Variants in FAM241A observed in about 807,000 individuals in gnomAD.
The protein encoded by FAM241A is family with sequence similarity 241 member A.
A neutral mutation model predicts 12.2 loss-of-function variants in FAM241A; 7 were observed. The ratio of observed to expected loss-of-function variants is 0.58; its 90% CI spans 0.33 to 1.08. FAM241A has a LOEUF of 1.08. Among genes scored for constraint, FAM241A ranks in the 50% least tolerant of loss-of-function variants. The pLI is 0.04. For missense variants in FAM241A, 161 were observed against 169.7 expected, an observed-to-expected ratio of 0.95 and a Z score of 0.29; for synonymous variants, 74 against 68.2, an observed-to-expected ratio of 1.08 and a Z score of -0.42.
chr4:112,153,071 C>G (rs1342354867), intron 1 of FAM241A, among the ~76,000 whole-genome samples: 3 of 152,096 alleles, frequency 2.0e-5, no homozygotes, highest in Non-Finnish European at 4.4e-5. Flanking sequence ...ATGTAATTCT[C>G]AAATTTATAG....
intron 1 of FAM241A, among the ~76,000 whole-genome samples, chr4:112,173,313 T>C (rs1423839051): frequency 2.0e-5 from 3 of 152,226 alleles, no homozygotes; most frequent in Admixed American, 6.5e-5. Flanking sequence ...TAAATAATGA[T>C]AGAAAGTATT....
At chr4:112,153,014 C>T (rs1723275425) in intron 1 of FAM241A, among the ~76,000 whole-genome samples, 1 of 152,066 alleles carries the variant, frequency 6.6e-6, no homozygotes, top group Non-Finnish European at 1.5e-5. Context: ...GGTTTTCCTC[C>T]CCTTATTTCC....
intron 1 of FAM241A, among the ~76,000 whole-genome samples, chr4:112,175,252 C>A (rs1352777500): frequency 2.6e-5 from 4 of 152,176 alleles, no homozygotes; most frequent in Non-Finnish European, 5.9e-5. Context: ...CTATCCATTT[C>A]TTGGCTTTAC....
intron 1 of FAM241A, among the ~76,000 whole-genome samples, chr4:112,179,914 G>GACATAT (rs1479640205): frequency 0.012 from 1,433 of 117,750 alleles, 53 homozygotes; most frequent in African/African-American, 0.033. Context: ...AAGAAAATGT[G>GACATAT]ATATATATAT....
chr4:112,147,710 TGTTG>T (rs1723167955), intron 1 of FAM241A, among the ~76,000 whole-genome samples: 1 of 152,224 alleles, frequency 6.6e-6, no homozygotes, highest in Non-Finnish European at 1.5e-5. Flanking sequence ...TTGTTTGTCC[TGTTG>T]GTTGGTTTAA....
In FAM241A at chr4:112,192,223, T is replaced by C. The variant is rs570448723; in HGVS notation, c.*5285T>C. The C allele has an allele frequency of 7.2e-5, 11 of 152,200 alleles. No individual in the cohort carries two copies. The highest frequency in any genetic ancestry group is 1.3e-4 in the Non-Finnish European group (9 of 68,044). 9.4% of individuals were successfully genotyped at this position (152,200 alleles called of 1,614,324 possible). A position where few individuals can be genotyped will look rare whatever the true frequency, so the allele number is the denominator to read the frequency against. On this transcript the variant is annotated 3_prime_UTR_variant, in exon 2 of 2. Transcript: ENST00000309733. ...TATTTTCAATGTTTGGTTGATTCAC[T>C]ATTTTTCCAAAAAGGATATTTTACA...
At chr4:112,179,712 T>C (rs182426689) in intron 1 of FAM241A, among the ~76,000 whole-genome samples, 1 of 138,890 alleles carries the variant, frequency 7.2e-6, no homozygotes, top group Non-Finnish European at 1.5e-5. Flanking sequence ...TATAATAAAA[T>C]ATATATATAT....
At chr4:112,150,235 GATTAT>G (rs1419467589) in intron 1 of FAM241A, among the ~76,000 whole-genome samples, 5 of 151,974 alleles carry the variant, frequency 3.3e-5, no homozygotes, top group Admixed American at 3.3e-4. Flanking sequence ...TAGTATTAAG[GATTAT>G]ATTAAAGTCT....
chr4:112,153,841 A>G (rs1723297902), intron 1 of FAM241A, among the ~76,000 whole-genome samples: 1 of 152,250 alleles, frequency 6.6e-6, no homozygotes, highest in African/African-American at 2.4e-5. Context: ...AAAGGATAAA[A>G]TTATCATTAA....
chr4:112,191,938 T>C lies in FAM241A; in HGVS notation c.*5000T>C, dbSNP rs539723047. 4.6e-5 allele frequency: 7 copies of C among 152,278 alleles called. No individual in the cohort carries two copies. Among genetic ancestry groups the C allele is most frequent in the African/African-American group, 1.4e-4 (6 of 41,536 alleles). The allele number at this position is 152,278 out of a possible 1,614,324, so 9.4% of individuals were successfully genotyped here. A position where few individuals can be genotyped will look rare whatever the true frequency, so the allele number is the denominator to read the frequency against. On this transcript the variant is annotated 3_prime_UTR_variant, in exon 2 of 2. Transcript: ENST00000309733. ...GCCTAACACAATGCCTGGGACATAA[T>C]AGGCCATCAAAATATTTATCAAGTA... is the stretch of plus-strand genomic sequence containing the variant.
chr4:112,145,704 C>T lies in FAM241A; in HGVS notation c.124C>T (p.Arg42Cys), dbSNP rs1723121639. 2.5e-6 allele frequency: 3 copies of T among 1,197,400 alleles called. No homozygotes were observed. The highest frequency in any genetic ancestry group is 7.0e-5 in the East Asian group (2 of 28,644). 74.2% of individuals were successfully genotyped at this position (1,197,400 alleles called of 1,614,324 possible). Residue 42 changes from arginine to cysteine, a missense_variant, in exon 1 of 2, where the codon CGC becomes TGC. Arg to Cys is a radical substitution (Grantham distance 180). Transcript: ENST00000309733. ...GWDPGASPRR[R>C]GQRPKESEQD... ...GGATCCCGGGGCGAGCCCGCGGCGG[C>T]GCGGACAGCGGCCGAAGGAGAGCGA...
At chr4:112,185,861 C>CT (rs1724027866) in intron 1 of FAM241A, among the ~76,000 whole-genome samples, 1 of 152,182 alleles carries the variant, frequency 6.6e-6, no homozygotes, top group African/African-American at 2.4e-5. Flanking sequence ...TAGAGTGAGA[C>CT]TTAACAGGAT....
chr4:112,157,764 G>A (rs1440220130), intron 1 of FAM241A, among the ~76,000 whole-genome samples: 1 of 152,072 alleles, frequency 6.6e-6, no homozygotes, highest in Non-Finnish European at 1.5e-5. Context: ...GTGAGAACAA[G>A]ATTGCTGCTC....
At chr4:112,171,108 A>G in intron 1 of FAM241A, 1 of 382,818 alleles carries the variant, frequency 2.6e-6, no homozygotes, top group South Asian at 2.3e-5. Flanking sequence ...AGATGTGTGT[A>G]TAAAACAAGA....
intron 1 of FAM241A, among the ~76,000 whole-genome samples, chr4:112,165,552 C>G (rs1723576451): frequency 6.6e-6 from 1 of 152,068 alleles, no homozygotes; most frequent in African/African-American, 2.4e-5. Flanking sequence ...GTACTTATAC[C>G]CAAGGGAGTA....
At chr4:112,171,332 G>A (rs1032132792) in intron 1 of FAM241A, 4 of 753,380 alleles carry the variant, frequency 5.3e-6, no homozygotes, top group Non-Finnish European at 9.7e-6. Flanking sequence ...AGGGAAAGCG[G>A]TGTTACGACA....
chr4:112,183,761 G>A (rs1693681486), intron 1 of FAM241A, among the ~76,000 whole-genome samples: 1 of 151,892 alleles, frequency 6.6e-6, no homozygotes, highest in Non-Finnish European at 1.5e-5. Context: ...GTATCAACAT[G>A]CTGAACACTG....
At chr4:112,177,402 G>GCT (rs1723844284) in intron 1 of FAM241A, among the ~76,000 whole-genome samples, 1 of 152,042 alleles carries the variant, frequency 6.6e-6, no homozygotes, top group African/African-American at 2.4e-5. Context: ...ATAACTGGAG[G>GCT]GTGTGTACAG....
At chr4:112,160,012 G>C (rs1723429949) in intron 1 of FAM241A, among the ~76,000 whole-genome samples, 1 of 152,166 alleles carries the variant, frequency 6.6e-6, no homozygotes, top group South Asian at 2.1e-4. Flanking sequence ...ATGATATGAT[G>C]TTATATTTGG....
Sources: allele counts gnomAD v4.1 joint callset (sites outside exome capture counted in the v4.1 genomes callset), GRCh38; gene constraint gnomAD v4.1.1; transcripts MANE v1.5; gene names NCBI Gene and HGNC (gene_info 2026-07-23, HGNC 2026-07-21).